EYS: variants seen among roughly 807,000 people sequenced by gnomAD.
EYS encodes the protein protein eyes shut homolog.
In EYS, 250 loss-of-function variants were observed where a neutral mutation model predicts 282.1. That is an observed-to-expected ratio of 0.89 (90% confidence interval 0.80 to 0.98). The LOEUF is 0.98. Among genes scored for constraint, EYS ranks in the 50% least tolerant of loss-of-function variants. The pLI is 0.00. For missense variants in EYS, 4,016 were observed against 3,709.0 expected (o/e 1.08, Z -2.15); for synonymous variants, 1,355 against 1,282.9 (o/e 1.06, Z -1.20).
At chr6:64,738,287 G>A (rs1439451529) in intron 22 of EYS, among the ~76,000 whole-genome samples, 1 of 152,120 alleles carries the variant, frequency 6.6e-6, no homozygotes, top group Non-Finnish European at 1.5e-5. Flanking sequence ...CACTCTAATA[G>A]TTAGCGTGTG....
intron 31 of EYS, among the ~76,000 whole-genome samples, chr6:64,116,965 A>G (rs1173296061): frequency 1.3e-5 from 2 of 152,088 alleles, no homozygotes; most frequent in African/African-American, 4.8e-5. Context: ...ATATAAAAAT[A>G]ATAGAATAAA....
chr6:65,535,632 A>C (rs1767936666), intron 2 of EYS, among the ~76,000 whole-genome samples: 1 of 152,112 alleles, frequency 6.6e-6, no homozygotes, highest in Non-Finnish European at 1.5e-5. Flanking sequence ...TTTTAGTTTA[A>C]GTCTAAAGGC....
intron 26 of EYS, among the ~76,000 whole-genome samples, chr6:64,549,246 CG>C (rs1314980419): frequency 2.9e-4 from 44 of 152,228 alleles, no homozygotes; most frequent in African/African-American, 9.2e-4. Context: ...TCTGCCTCAC[CG>C]TATCATAAGC....
At chr6:65,355,539 T>C (rs999896032) in intron 8 of EYS, among the ~76,000 whole-genome samples, 1 of 151,822 alleles carries the variant, frequency 6.6e-6, no homozygotes, top group Non-Finnish European at 1.5e-5. Context: ...CAGACAACCT[T>C]CAGATTGGGA....
intron 28 of EYS, among the ~76,000 whole-genome samples, chr6:64,417,624 T>C (rs1006019070): frequency 6.6e-6 from 1 of 151,924 alleles, no homozygotes; most frequent in Admixed American, 6.6e-5. Flanking sequence ...AAAAATCTAG[T>C]TTTTCAACTC....
chr6:65,334,956 T>A (rs1285120323), intron 11 of EYS, 24 bp downstream of exon 11: 4 of 1,592,460 alleles, frequency 2.5e-6, no homozygotes, highest in Non-Finnish European at 3.4e-6. Context: ...TGTGATATTA[T>A]CTGCTCAAAT....
At chr6:64,230,233 T>A (rs1224549045) in intron 31 of EYS, among the ~76,000 whole-genome samples, 1 of 152,158 alleles carries the variant, frequency 6.6e-6, no homozygotes, top group African/African-American at 2.4e-5. Context: ...TATTTGGCAA[T>A]TAAGCAATAA....
At chr6:64,307,588 A>G (rs1292545389) in intron 29 of EYS, among the ~76,000 whole-genome samples, 2 of 152,100 alleles carry the variant, frequency 1.3e-5, no homozygotes, top group African/African-American at 4.8e-5. Context: ...GATTTAGGTC[A>G]AGAGATACAA....
intron 28 of EYS, among the ~76,000 whole-genome samples, chr6:64,427,445 C>A (rs1187459153): frequency 6.6e-6 from 1 of 151,948 alleles, no homozygotes; most frequent in Non-Finnish European, 1.5e-5. Context: ...CTGTGAAGAC[C>A]CTTTTGGAAG....
intron 2 of EYS, among the ~76,000 whole-genome samples, chr6:65,566,521 A>T (rs559670601): frequency 2.0e-5 from 3 of 152,258 alleles, no homozygotes; most frequent in African/African-American, 7.2e-5. Context: ...GTAAACTCTC[A>T]TTTCTGCCTT....
chr6:65,001,349 T>C (rs1308574139), intron 13 of EYS, among the ~76,000 whole-genome samples: 1 of 146,878 alleles, frequency 6.8e-6, no homozygotes, highest in Non-Finnish European at 1.5e-5. Context: ...GGGAAGATAA[T>C]CTTCCCCTGG....
intron 31 of EYS, among the ~76,000 whole-genome samples, chr6:64,101,860 G>T (rs1252775757): frequency 6.6e-6 from 1 of 151,850 alleles, no homozygotes; most frequent in Non-Finnish European, 1.5e-5. Context: ...CCTGCAACTA[G>T]ATGGTCCCAT....
At chr6:64,467,464 G>A (rs1051909228) in intron 26 of EYS, among the ~76,000 whole-genome samples, 1 of 152,096 alleles carries the variant, frequency 6.6e-6, no homozygotes, top group African/African-American at 2.4e-5. Flanking sequence ...TATGTACTAG[G>A]AAGTATGCAA....
Position 63,911,121 on chromosome 6 carries a change from TAA to T in EYS, c.7056-46765_7056-46764del, listed in dbSNP as rs5876875. Among the ~76,000 whole-genome samples the T allele has an allele frequency of 1.8e-3, 258 of 143,524 alleles. 1 individual carries two copies. Among genetic ancestry groups the T allele is most frequent in the African/African-American group, 6.1e-3 (240 of 39,074 alleles). 94.2% of individuals were successfully genotyped at this position (143,524 alleles called of 152,430 possible). A position where few individuals can be genotyped will look rare whatever the true frequency, so the allele number is the denominator to read the frequency against. Reference sequence around the variant, plus strand: ...TGAAATCTAGGTTGAAGTCATTGGTTAAAAAAAAAAAAAAGCCCCTGATGTAA... The same window carrying T: ...TGAAATCTAGGTTGAAGTCATTGGTTAAAAAAAAAAAAGCCCCTGATGTAA... On this transcript the variant is annotated intron_variant, in intron 35 of 42. Coordinates refer to ENST00000503581, the MANE Select transcript of EYS (RefSeq NM_001142800.2).
chr6:63,866,499 G>A (rs1772674738), intron 35 of EYS, among the ~76,000 whole-genome samples: 1 of 152,152 alleles, frequency 6.6e-6, no homozygotes, highest in Non-Finnish European at 1.5e-5. Flanking sequence ...ATCATATAAA[G>A]CTAAACAGAT....
intron 2 of EYS, among the ~76,000 whole-genome samples, chr6:65,555,035 T>C (rs1029749651): frequency 6.6e-6 from 1 of 152,080 alleles, no homozygotes; most frequent in Non-Finnish European, 1.5e-5. Context: ...CAATTCAAAT[T>C]GTACCTGGTG....
At chr6:65,022,963 A>T (rs2150139479) in intron 13 of EYS, among the ~76,000 whole-genome samples, 1 of 152,114 alleles carries the variant, frequency 6.6e-6, no homozygotes, top group South Asian at 2.1e-4. Flanking sequence ...AATTCCATTT[A>T]TATTACATGT....
intron 7 of EYS, among the ~76,000 whole-genome samples, chr6:65,391,804 G>A (rs999616954): frequency 2.6e-4 from 37 of 144,390 alleles, no homozygotes; most frequent in African/African-American, 9.3e-4. Context: ...TTTCTTTACA[G>A]AATTGGAAAA....
intron 33 of EYS, among the ~76,000 whole-genome samples, chr6:64,012,606 G>A (rs1461813296): frequency 6.6e-6 from 1 of 152,190 alleles, no homozygotes; most frequent in Non-Finnish European, 1.5e-5. Context: ...ACTGTCCAGA[G>A]ACATACAGCT....
Sources: allele counts gnomAD v4.1 joint callset (sites outside exome capture counted in the v4.1 genomes callset), GRCh38; gene constraint gnomAD v4.1.1; transcripts MANE v1.5; gene names NCBI Gene and HGNC (gene_info 2026-07-23, HGNC 2026-07-21).